TET1: variants seen among roughly 807,000 people sequenced by gnomAD.
The protein encoded by TET1 is methylcytosine dioxygenase TET1.
In TET1, 13 loss-of-function variants were observed where a neutral mutation model predicts 148.7. The observed-to-expected ratio is 0.09, with a 90% CI of 0.06 to 0.14. The LOEUF is 0.14. Ranked by LOEUF, TET1 falls within the 10% of genes least tolerant of loss-of-function variation. The pLI, the probability that TET1 is intolerant of heterozygous loss-of-function variation, is 1.00. For synonymous variants in TET1, 907 were observed against 937.2 expected (o/e 0.97, Z 0.59); for missense variants, 2,182 against 2,553.8 (o/e 0.85, Z 3.14).
chr10:68,567,707 G>C (rs912173296), intron 1 of TET1, among the ~76,000 whole-genome samples: 1 of 151,330 alleles, frequency 6.6e-6, no homozygotes, highest in Non-Finnish European at 1.5e-5. Flanking sequence ...TGCCAAGATC[G>C]TGCCATTGAA....
chr10:68,647,127 A>G (rs2054862619), intron 4 of TET1, 122 bp downstream of exon 4: 1 of 1,076,288 alleles, frequency 9.3e-7, no homozygotes, highest in Non-Finnish European at 1.3e-6. Context: ...TCTAACTAAG[A>G]TGGATTAAGT....
intron 10 of TET1, among the ~76,000 whole-genome samples, chr10:68,686,048 G>A (rs2055504088): frequency 1.3e-5 from 2 of 151,990 alleles, no homozygotes; most frequent in African/African-American, 4.8e-5. Flanking sequence ...CCTTAATTTA[G>A]GCAATGAAGT....
intron 3 of TET1, among the ~76,000 whole-genome samples, chr10:68,639,459 AC>A (rs11289793): frequency 0.43 from 60,068 of 140,860 alleles, 13,585 homozygotes; most frequent in East Asian, 0.54. Context: ...TACTACTACT[AC>A]TACTACTATT....
intron 6 of TET1, among the ~76,000 whole-genome samples, chr10:68,666,797 A>C (rs1298799055): frequency 1.3e-5 from 2 of 152,182 alleles, no homozygotes; most frequent in Non-Finnish European, 2.9e-5. Flanking sequence ...AAAAAACTAA[A>C]ATATGGCCGG....
intron 8 of TET1, among the ~76,000 whole-genome samples, chr10:68,680,563 G>A (rs1472633980): frequency 1.3e-5 from 2 of 152,102 alleles, no homozygotes; most frequent in Non-Finnish European, 2.9e-5. Context: ...CCCCAGACTG[G>A]TCTCAAATTT....
chr10:68,642,439 A>C (rs1176653171), intron 3 of TET1, among the ~76,000 whole-genome samples: 1 of 152,088 alleles, frequency 6.6e-6, no homozygotes, highest in Non-Finnish European at 1.5e-5. Context: ...GTCTCAAAAA[A>C]AAAAGAAAAT....
chr10:68,694,378 T>A lies in TET1; in HGVS notation c.*2564T>A. On this transcript the variant is annotated 3_prime_UTR_variant, in exon 12 of 12. Coordinates refer to ENST00000373644, the MANE Select transcript of TET1 (RefSeq NM_030625.3). ...CCTGTGATTTTTTTTAAAAGCTTAT[T>A]CAATGTTCTGCAGCATTGTGATTGT... The A allele has an allele frequency of 4.3e-6, 1 of 232,586 alleles. No homozygotes were observed. The highest frequency in any genetic ancestry group is 8.5e-6 in the Non-Finnish European group (1 of 117,676). 14.4% of individuals were successfully genotyped at this position (232,586 alleles called of 1,614,324 possible). A position where few individuals can be genotyped will look rare whatever the true frequency, so the allele number is the denominator to read the frequency against.
chr10:68,605,847 C>G (rs1223149747), intron 3 of TET1, among the ~76,000 whole-genome samples: 2 of 152,112 alleles, frequency 1.3e-5, no homozygotes, highest in African/African-American at 2.4e-5. Flanking sequence ...TAGACCAGTG[C>G]TGGTTTAAAA....
chr10:68,650,951 T>G (rs1465027863), intron 4 of TET1, among the ~76,000 whole-genome samples: 2 of 152,204 alleles, frequency 1.3e-5, no homozygotes, highest in Admixed American at 1.3e-4. Context: ...TTACAAAAAT[T>G]TAAAACAATC....
At chr10:68,567,205 A>G (rs1456298004) in intron 1 of TET1, among the ~76,000 whole-genome samples, 1 of 152,002 alleles carries the variant, frequency 6.6e-6, no homozygotes, top group Non-Finnish European at 1.5e-5. Context: ...CCTCAAAACT[A>G]CCTCATTTTA....
At chr10:68,579,970 C>T (rs926184857) in intron 2 of TET1, among the ~76,000 whole-genome samples, 2 of 151,592 alleles carry the variant, frequency 1.3e-5, no homozygotes, top group African/African-American at 2.4e-5. Context: ...CTCTTGTTGC[C>T]CAGGCTGGAG....
intron 10 of TET1, among the ~76,000 whole-genome samples, chr10:68,685,870 CTGTT>C (rs1183959548): frequency 6.6e-6 from 1 of 151,930 alleles, no homozygotes; most frequent in African/African-American, 2.4e-5. Flanking sequence ...TTTTTTTTAA[CTGTT>C]AGCGTATAAG....
At chr10:68,585,214 G>T (rs749201002) in intron 2 of TET1, among the ~76,000 whole-genome samples, 1 of 152,144 alleles carries the variant, frequency 6.6e-6, no homozygotes, top group Non-Finnish European at 1.5e-5. Context: ...ATGTTGGTCA[G>T]GCTGGTCTTG....
Position 68,647,003 on chromosome 10 carries a change from T to C in TET1, c.4274T>C (p.Leu1425Pro). 1 of 1,609,388 alleles carries C rather than the reference T, an allele frequency of 6.2e-7. No individual in the cohort carries two copies. The change falls in exon 4 of 12, where the codon CTT (leucine) becomes CCT (proline). Residue 1425 changes from leucine (L) to proline (P), a missense_variant and splice_region_variant. Transcript: ENST00000373644. ...KDSELPTCSCLDRVIQKDKGP... is the reference protein window; with the variant it reads ...KDSELPTCSCPDRVIQKDKGP... ...TCTGAACTGCCCACCTGCAGCTGTC[T>C]TGGTGAGTACTTGTGTGCATGTGTT... is the stretch of plus-strand genomic sequence containing the variant.
rs2053705709 is a variant in TET1 at position 68,574,447 on chromosome 10, C to T, written c.1914+195C>T. 2.6e-5 allele frequency among the ~76,000 whole-genome samples: 4 copies of T among 152,170 alleles called. No homozygotes were observed. The South Asian group carries it at 8.3e-4, about 31-fold the overall frequency. ...GGACCTACCTGAAGTATGTCTTGTG[C>T]AGTGATGCCTTAGCTAGCTTATTTT... On this transcript the variant is annotated intron_variant, in intron 2 of 11. Coordinates refer to ENST00000373644, the MANE Select transcript of TET1 (RefSeq NM_030625.3).
At chr10:68,670,758 A>G (rs1402189418) in intron 7 of TET1, among the ~76,000 whole-genome samples, 2 of 152,066 alleles carry the variant, frequency 1.3e-5, no homozygotes, top group Non-Finnish European at 2.9e-5. Context: ...TTTGCATCTC[A>G]TTTAGTGAAT....
intron 2 of TET1, among the ~76,000 whole-genome samples, chr10:68,576,085 G>A (rs1353071370): frequency 6.6e-6 from 1 of 151,790 alleles, no homozygotes; most frequent in Non-Finnish European, 1.5e-5. Context: ...GCTGGTCATG[G>A]TGGCTCACAC....
intron 11 of TET1, among the ~76,000 whole-genome samples, chr10:68,688,431 T>C (rs1048781196): frequency 1.2e-3 from 4 of 3,266 alleles, no homozygotes; most frequent in Admixed American, 5.0e-3. Flanking sequence ...TTTTGATAGC[T>C]TTTTTTTTTT....
chr10:68,568,133 C>T (rs1445164771), intron 1 of TET1, among the ~76,000 whole-genome samples: 1 of 151,876 alleles, frequency 6.6e-6, no homozygotes, highest in Non-Finnish European at 1.5e-5. Flanking sequence ...CCACCTTGGC[C>T]TCCCAAAGTG....
Sources: gnomAD v4.1 joint callset for allele counts (sites outside exome capture counted in the v4.1 genomes callset) on GRCh38, gnomAD v4.1.1 for gene constraint, MANE v1.5 for transcripts, NCBI Gene and HGNC (gene_info 2026-07-23, HGNC 2026-07-21) for gene names.